BCKDHB: variants seen among roughly 807,000 people sequenced by gnomAD.
BCKDHB encodes 2-oxoisovalerate dehydrogenase subunit beta, mitochondrial.
BCKDHB carries 41 observed loss-of-function variants against 48.5 expected under a neutral mutation model. That is an observed-to-expected ratio of 0.85 (90% CI 0.66 to 1.10). BCKDHB has a LOEUF of 1.10. Ranked by LOEUF, BCKDHB falls within the 50% of genes least tolerant of loss-of-function variation. The pLI, the probability that BCKDHB is intolerant of heterozygous loss-of-function variation, is 0.00. For missense variants in BCKDHB, 496 were observed against 494.2 expected (o/e 1.00, Z -0.03); for synonymous variants, 201 against 174.8 (o/e 1.15, Z -1.18).
intron 8 of BCKDHB, among the ~76,000 whole-genome samples, chr6:80,268,481 G>A (rs1466647518): frequency 6.6e-6 from 1 of 151,872 alleles, no homozygotes; most frequent in East Asian, 1.9e-4. Context: ...ATATTAAAAG[G>A]GCTATAAATT....
At chr6:80,431,376 G>A in the BCKDHB span, among the ~76,000 whole-genome samples, 1 of 152,148 alleles carries the variant, frequency 6.6e-6, no homozygotes, top group Non-Finnish European at 1.5e-5. Flanking sequence ...GAATATCCTT[G>A]TTAATTTTCT....
At chr6:80,282,177 A>G (rs1766359837) in intron 9 of BCKDHB, among the ~76,000 whole-genome samples, 1 of 152,328 alleles carries the variant, frequency 6.6e-6, no homozygotes, top group South Asian at 2.1e-4. Context: ...TTTTATAACT[A>G]TAGCCAGCAA....
intron 9 of BCKDHB, among the ~76,000 whole-genome samples, chr6:80,275,371 C>CA (rs1406299467): frequency 6.6e-6 from 1 of 152,014 alleles, no homozygotes; most frequent in Non-Finnish European, 1.5e-5. Context: ...ACCCGTTATA[C>CA]AATGTTCTGT....
intron 9 of BCKDHB, among the ~76,000 whole-genome samples, chr6:80,309,474 C>T (rs1372317354): frequency 1.3e-5 from 2 of 152,130 alleles, no homozygotes; most frequent in Non-Finnish European, 2.9e-5. Flanking sequence ...TCTATAGTCT[C>T]ATCATTAATT....
the BCKDHB span, among the ~76,000 whole-genome samples, chr6:80,417,376 A>G: frequency 3.3e-5 from 5 of 152,010 alleles, no homozygotes; most frequent in African/African-American, 9.7e-5. Context: ...TGTGGATTTG[A>G]TTCTGTCACC....
At chr6:80,158,466 T>C (rs952438540) in intron 3 of BCKDHB, among the ~76,000 whole-genome samples, 12 of 152,186 alleles carry the variant, frequency 7.9e-5, no homozygotes, top group African/African-American at 2.9e-4. Context: ...ATTATAATTA[T>C]AGGTAAACTT....
chr6:80,245,422 T>C (rs1206279150), intron 8 of BCKDHB, among the ~76,000 whole-genome samples: 1 of 151,990 alleles, frequency 6.6e-6, no homozygotes. Flanking sequence ...GTAGACAAAG[T>C]GAGAGGCTGG....
chr6:80,145,336 T>C (rs1027848431), intron 3 of BCKDHB, among the ~76,000 whole-genome samples: 8 of 152,274 alleles, frequency 5.3e-5, no homozygotes, highest in Non-Finnish European at 8.8e-5. Context: ...GTGTTGATGG[T>C]GCAGTAACAA....
At chr6:80,214,465 C>G (rs1775077461) in intron 8 of BCKDHB, among the ~76,000 whole-genome samples, 1 of 152,094 alleles carries the variant, frequency 6.6e-6, no homozygotes, top group South Asian at 2.1e-4. Context: ...GTGAATAATT[C>G]CGTGACTGAA....
At chr6:80,297,308 T>C (rs1264301727) in intron 9 of BCKDHB, among the ~76,000 whole-genome samples, 1 of 152,216 alleles carries the variant, frequency 6.6e-6, no homozygotes, top group Non-Finnish European at 1.5e-5. Context: ...TTGTCAATAA[T>C]TTTTGAAACT....
the BCKDHB span, among the ~76,000 whole-genome samples, chr6:80,437,327 A>T: frequency 6.6e-6 from 1 of 152,222 alleles, no homozygotes; most frequent in Non-Finnish European, 1.5e-5. Context: ...TCTTAAGATT[A>T]CTCATGTATG....
chr6:80,440,703 G>T, the BCKDHB span: 1 of 150,558 alleles, frequency 6.6e-6, no homozygotes, highest in African/African-American at 2.4e-5. Context: ...CTCAGTCATC[G>T]CTAAGGACTC....
the BCKDHB span, among the ~76,000 whole-genome samples, chr6:80,389,199 C>A: frequency 5.3e-5 from 8 of 152,084 alleles, no homozygotes; most frequent in Non-Finnish European, 7.3e-5. Flanking sequence ...CCAGCTCTTT[C>A]CCCAGCCACC....
intron 1 of BCKDHB, among the ~76,000 whole-genome samples, chr6:80,119,825 T>C (rs113654147): frequency 1.3e-5 from 2 of 152,286 alleles, no homozygotes; most frequent in Non-Finnish European, 2.9e-5. Context: ...ACAGAATTGA[T>C]GTATTAGCAG....
chr6:80,157,912 A>G (rs372964973), intron 3 of BCKDHB, among the ~76,000 whole-genome samples: 2 of 152,218 alleles, frequency 1.3e-5, no homozygotes, highest in Admixed American at 1.3e-4. Flanking sequence ...TCTTGCTGAC[A>G]TATCTAGATA....
rs992684586 is a variant in BCKDHB at position 80,345,294 on chromosome 6, A to T, written c.*1490A>T. ...AATATCTAGTTTTTCCAAAAATGAT[A>T]GTAATATCTTTTGAAGAACTATGCT... is the stretch of plus-strand genomic sequence containing the variant. On this transcript the variant is annotated 3_prime_UTR_variant, in exon 10 of 10. Transcript: ENST00000320393. 2.0e-5 allele frequency: 3 copies of T among 152,226 alleles called. No homozygotes were observed. Among genetic ancestry groups the T allele is most frequent in the Non-Finnish European group, 4.4e-5 (3 of 68,044 alleles). 9.4% of individuals were successfully genotyped at this position (152,226 alleles called of 1,614,324 possible).
intron 3 of BCKDHB, among the ~76,000 whole-genome samples, chr6:80,131,621 A>G (rs781040675): frequency 1.8e-4 from 26 of 148,160 alleles, no homozygotes; most frequent in Admixed American, 3.4e-4. Flanking sequence ...TAACATGCAT[A>G]TTTCTTAGCA....
At chr6:80,317,142 C>G (rs1768489055) in intron 9 of BCKDHB, among the ~76,000 whole-genome samples, 1 of 152,174 alleles carries the variant, frequency 6.6e-6, no homozygotes, top group Non-Finnish European at 1.5e-5. Flanking sequence ...TGTGCAGTTT[C>G]TCTCCTTTAC....
chr6:80,244,737 T>C (rs1170553143), intron 8 of BCKDHB, among the ~76,000 whole-genome samples: 1 of 152,188 alleles, frequency 6.6e-6, no homozygotes, highest in Admixed American at 6.5e-5. Context: ...GATTTTTGGC[T>C]CAATAAAGTA....
Sources: allele counts gnomAD v4.1 joint callset (sites outside exome capture counted in the v4.1 genomes callset), GRCh38; gene constraint gnomAD v4.1.1; transcripts MANE v1.5; gene names NCBI Gene and HGNC (gene_info 2026-07-23, HGNC 2026-07-21).